Variants in USP48 observed in about 807,000 individuals in gnomAD.
USP48 encodes ubiquitin carboxyl-terminal hydrolase 48.
In USP48, 43 loss-of-function variants were observed where a neutral mutation model predicts 150.7. That is an observed-to-expected ratio of 0.29 (90% confidence interval 0.22 to 0.37). The LOEUF (loss-of-function observed/expected upper bound fraction) is 0.37. USP48 is among the 10% of genes least tolerant of loss of function. The probability of loss-of-function intolerance (pLI) is 1.00; values close to 1 mark genes in which losing one functional copy is unlikely to be tolerated. For missense variants in USP48, 813 were observed against 1,249.6 expected (o/e 0.65, Z 5.27); for synonymous variants, 396 against 425.9 (o/e 0.93, Z 0.86).
intron 1 of USP48, among the ~76,000 whole-genome samples, chr1:21,765,299 G>GGACA (rs2097858976): frequency 6.6e-6 from 1 of 152,124 alleles, no homozygotes; most frequent in Non-Finnish European, 1.5e-5. Context: ...TTTAGGCCAG[G>GGACA]GACACACTTT....
chr1:21,712,050 C>A (rs771217855), intron 15 of USP48, among the ~76,000 whole-genome samples: 3 of 152,180 alleles, frequency 2.0e-5, no homozygotes, highest in Non-Finnish European at 4.4e-5. Flanking sequence ...ACTGATAGCA[C>A]AGAGTTGTTA....
intron 15 of USP48, among the ~76,000 whole-genome samples, chr1:21,712,628 C>CA (rs369006377): frequency 1.5e-5 from 2 of 134,532 alleles, no homozygotes; most frequent in African/African-American, 5.6e-5. Context: ...GAAAACTATC[C>CA]TTTTTTTTTT....
chr1:21,704,408 A>C lies in USP48; in HGVS notation c.2385-16T>G, dbSNP rs778448622. On this transcript the variant is annotated splice_polypyrimidine_tract_variant and intron_variant, in intron 19 of 26. Coordinates refer to ENST00000308271, the MANE Select transcript of USP48 (RefSeq NM_032236.8). ...GAGAGCTATACTGTGCAAAAAAAAA[A>C]CACAACATGCCTTAAGACACATGGA... 1.0e-5 allele frequency: 16 copies of C among 1,586,814 alleles called. No homozygotes were observed. Among genetic ancestry groups the C allele is most frequent in the African/African-American group, 2.7e-5 (2 of 73,110 alleles).
intron 1 of USP48, among the ~76,000 whole-genome samples, chr1:21,774,015 C>A (rs2097890049): frequency 6.6e-6 from 1 of 151,820 alleles, no homozygotes; most frequent in Admixed American, 6.6e-5. Flanking sequence ...GGTGGCTCTA[C>A]TAAAAATACA....
At chr1:21,706,240 A>G in intron 17 of USP48, 53 bp from the exon 18 acceptor site, 1 of 1,588,008 alleles carries the variant, frequency 6.3e-7, no homozygotes, top group Non-Finnish European at 8.6e-7. Flanking sequence ...CCTGCTTAAC[A>G]CAAATTCCTT....
chr1:21,758,827 T>C (rs1318720638), intron 1 of USP48, among the ~76,000 whole-genome samples: 2 of 152,054 alleles, frequency 1.3e-5, no homozygotes, highest in Non-Finnish European at 2.9e-5. Context: ...ATGAACAATT[T>C]GGGACCATGT....
At position 21,685,384 on chromosome 1, in the gene USP48, C is replaced by T. The variant is rs1487671605; in HGVS notation, c.3058+1807G>A. ...ATCCAGGCTAGAGAGTGCAGTGCTG[C>T]GATCTTGGCTCACTGCATCCACTGG... On this transcript the variant is annotated intron_variant, in intron 25 of 26. Transcript: ENST00000308271. Among the ~76,000 whole-genome samples, 4 of 148,856 alleles carry T rather than the reference C, an allele frequency of 2.7e-5. No individual in the cohort carries two copies. In the East Asian group the frequency reaches 5.9e-4, roughly 22 times the overall value.
chr1:21,720,821 G>A lies in USP48; in HGVS notation c.1894+215C>T, dbSNP rs568834040. ...GCTGGGATTATAGGCATGAACCACCGCACCCAGACTAAAATTGTTTTTTAG... is the reference window on the plus strand; with the variant it reads ...GCTGGGATTATAGGCATGAACCACCACACCCAGACTAAAATTGTTTTTTAG... On this transcript the variant is annotated intron_variant, in intron 14 of 26. Transcript: ENST00000308271. Among the ~76,000 whole-genome samples, 5 of 152,006 alleles carry A rather than the reference G, an allele frequency of 3.3e-5. No homozygotes were observed. The South Asian group carries it at 8.3e-4, about 25-fold the overall frequency.
intron 1 of USP48, among the ~76,000 whole-genome samples, chr1:21,758,568 C>G (rs1198065176): frequency 6.6e-6 from 1 of 151,872 alleles, no homozygotes; most frequent in African/African-American, 2.4e-5. Flanking sequence ...TCGAGACCAG[C>G]CTGAAACCCT....
chr1:21,700,349 G>A (rs1259137264), intron 22 of USP48, among the ~76,000 whole-genome samples: 4 of 152,058 alleles, frequency 2.6e-5, no homozygotes, highest in African/African-American at 7.2e-5. Flanking sequence ...GCGCCAATAA[G>A]CCACGGAAAA....
intron 1 of USP48, among the ~76,000 whole-genome samples, chr1:21,777,448 T>C (rs1329558108): frequency 6.6e-6 from 1 of 151,868 alleles, no homozygotes; most frequent in Non-Finnish European, 1.5e-5. Context: ...CAGGACTGCT[T>C]GAGGCTAAAG....
chr1:21,710,265 A>T (rs928575489), intron 15 of USP48, among the ~76,000 whole-genome samples: 6 of 152,178 alleles, frequency 3.9e-5, no homozygotes, highest in Non-Finnish European at 7.3e-5. Context: ...AATATCTAAA[A>T]CTCAAAGATT....
intron 8 of USP48, among the ~76,000 whole-genome samples, chr1:21,744,351 C>T (rs1399823621): frequency 6.6e-6 from 1 of 151,316 alleles, no homozygotes; most frequent in African/African-American, 2.4e-5. Flanking sequence ...GAGACTGAGG[C>T]AGAGAGAATT....
intron 19 of USP48, among the ~76,000 whole-genome samples, chr1:21,705,229 A>G (rs2152519891): frequency 6.6e-6 from 1 of 152,312 alleles, no homozygotes; most frequent in African/African-American, 2.4e-5. Context: ...GATTTTTGGT[A>G]AAATCGGGAG....
chr1:21,767,119 CAG>C (rs1207477119), intron 1 of USP48, among the ~76,000 whole-genome samples: 1 of 152,136 alleles, frequency 6.6e-6, no homozygotes, highest in African/African-American at 2.4e-5. Flanking sequence ...CCTGGGCACT[CAG>C]GGTGTATAAT....
At chr1:21,757,266 T>G (rs980531946) in intron 2 of USP48, among the ~76,000 whole-genome samples, 1 of 152,096 alleles carries the variant, frequency 6.6e-6, no homozygotes, top group Non-Finnish European at 1.5e-5. Context: ...TCTAGAAAAT[T>G]TAATGTATAT....
At chr1:21,736,382 C>G in intron 9 of USP48, 64 bp downstream of exon 9, 3 of 1,429,736 alleles carry the variant, frequency 2.1e-6, no homozygotes, top group Non-Finnish European at 2.8e-6. Context: ...AATAATTTAT[C>G]ACAAATATTT....
intron 22 of USP48, among the ~76,000 whole-genome samples, chr1:21,698,606 A>C (rs1557439322): frequency 6.6e-6 from 1 of 152,266 alleles, no homozygotes; most frequent in Non-Finnish European, 1.5e-5. Flanking sequence ...AGACAGTAAG[A>C]ACATTGTGTC....
In USP48 at chr1:21,760,279, G is replaced by C. The variant is rs1187583691; in HGVS notation, c.135-2496C>G. ...GCTTAGGTTTTCTTTTGCTATAAAG[G>C]AACATTACAGGACAAAGTTCTGCAG... is the stretch of plus-strand genomic sequence containing the variant. On this transcript the variant is annotated intron_variant, in intron 1 of 26. Transcript: ENST00000308271. Among the ~76,000 whole-genome samples the C allele has an allele frequency of 4.6e-5, 7 of 152,106 alleles. No homozygotes were observed. In the East Asian group the frequency reaches 9.6e-4, roughly 21 times the overall value.
Sources: gnomAD v4.1 joint callset for allele counts (sites outside exome capture counted in the v4.1 genomes callset) on GRCh38, gnomAD v4.1.1 for gene constraint, MANE v1.5 for transcripts, NCBI Gene and HGNC (gene_info 2026-07-23, HGNC 2026-07-21) for gene names.